PDZK1IP1: variants seen among roughly 807,000 people sequenced by gnomAD.
The protein encoded by PDZK1IP1 is PDZK1 interacting protein 1.
In PDZK1IP1, 9 loss-of-function variants were observed where a neutral mutation model predicts 14.7. That is an observed-to-expected ratio of 0.61 (90% CI 0.37 to 1.07). The LOEUF is 1.07. PDZK1IP1 is among the 50% of genes least tolerant of loss of function. The pLI is 0.01. For missense variants in PDZK1IP1, 152 were observed against 148.7 expected, an observed-to-expected ratio of 1.02 and a Z score of -0.11; for synonymous variants, 70 against 61.2, an observed-to-expected ratio of 1.14 and a Z score of -0.67.
In PDZK1IP1 at chr1:47,185,200, G is replaced by A. The variant is rs921454368; in HGVS notation, c.177-103C>T. On this transcript the variant is annotated intron_variant, in intron 2 of 3. Coordinates refer to ENST00000294338, the MANE Select transcript of PDZK1IP1 (RefSeq NM_005764.4). ...CTCACAAGCCCGAAGGCTAGCAACT[G>A]CCCTTCCCAGAGCTGTGTGCAACAG... 9 of 850,018 alleles carry A rather than the reference G, an allele frequency of 1.1e-5. No individual in the cohort carries two copies. In the Admixed American group the frequency reaches 1.3e-4, roughly 12 times the overall value. 52.7% of individuals were successfully genotyped at this position (850,018 alleles called of 1,614,324 possible).
chr1:47,187,142 C>T (rs1222563264), intron 2 of PDZK1IP1, among the ~76,000 whole-genome samples, 177 bp downstream of exon 2: 1 of 152,188 alleles, frequency 6.6e-6, no homozygotes, highest in Non-Finnish European at 1.5e-5. Context: ...GGCTCTCATT[C>T]CCTCATCCCG....
intron 1 of PDZK1IP1, among the ~76,000 whole-genome samples, chr1:47,187,880 T>C (rs933289501): frequency 5.9e-5 from 9 of 152,258 alleles, no homozygotes; most frequent in Admixed American, 5.9e-4. Flanking sequence ...TGGTCTGGGA[T>C]CTAGAAGATC....
At chr1:47,184,336 C>A (rs202174747) in intron 3 of PDZK1IP1, among the ~76,000 whole-genome samples, 1 of 144,406 alleles carries the variant, frequency 6.9e-6, no homozygotes, top group African/African-American at 2.6e-5. Flanking sequence ...CTAAACCCAT[C>A]CCCCACTGAG....
chr1:47,184,047 AAAG>A lies in PDZK1IP1; in HGVS notation c.273-7_273-5del, dbSNP rs1322575641. The A allele has an allele frequency of 1.3e-6, 2 of 1,584,250 alleles. No individual in the cohort carries two copies. Among genetic ancestry groups the A allele is most frequent in the South Asian group, 1.2e-5 (1 of 86,834 alleles). Reference sequence around the variant, plus strand: ...GGCATTCTCATGCTCACTGGACCTGAAAGAAGAAGGCATGGGCCTGATGGGTCA... The same window carrying A: ...GGCATTCTCATGCTCACTGGACCTGAAAGAAGGCATGGGCCTGATGGGTCA... On this transcript the variant is annotated splice_polypyrimidine_tract_variant and splice_region_variant and intron_variant, in intron 3 of 3. Coordinates refer to ENST00000294338, the MANE Select transcript of PDZK1IP1 (RefSeq NM_005764.4).
chr1:47,184,907 C>T (rs975601473), intron 3 of PDZK1IP1, 95 bp downstream of exon 3: 16 of 986,700 alleles, frequency 1.6e-5, no homozygotes, highest in African/African-American at 4.8e-5. Context: ...CATGAGTCTC[C>T]GTCCTCCCCA....
rs577419538 is a variant in PDZK1IP1 at position 47,185,765 on chromosome 1, C to G, written c.177-668G>C. ...TAGATGCCATTCCTGCCTTCCTCCC[C>G]TCGAGTCCGCTGCTGTCTGTGACGA... On this transcript the variant is annotated intron_variant, in intron 2 of 3. Transcript: ENST00000294338. Among the ~76,000 whole-genome samples the G allele has an allele frequency of 2.6e-5, 4 of 152,198 alleles. No homozygotes were observed. The East Asian group carries it at 7.7e-4, about 29-fold the overall frequency.
intron 2 of PDZK1IP1, 141 bp from the exon 3 acceptor site, chr1:47,185,238 G>A (rs1645312136): frequency 6.1e-6 from 4 of 660,914 alleles, no homozygotes; most frequent in Non-Finnish European, 8.2e-6. Flanking sequence ...CATGTCAGCC[G>A]CGGCTACTGG....
rs1213850873 is a variant in PDZK1IP1, at chr1:47,184,989, C to T, written c.272+13G>A. The T allele has an allele frequency of 6.2e-7, 1 of 1,603,806 alleles. No individual in the cohort carries two copies. The highest frequency in any genetic ancestry group is 2.2e-5 in the East Asian group (1 of 44,782). ...TGGGAGCACAGACCGGGCAGCCCTG[C>T]CCTGCACCTCACCTGAAACTGGCCG... On this transcript the variant is annotated intron_variant, in intron 3 of 3. Transcript: ENST00000294338.
intron 3 of PDZK1IP1, 72 bp downstream of exon 3, chr1:47,184,930 C>G (rs977674630): frequency 2.3e-5 from 29 of 1,254,192 alleles, no homozygotes; most frequent in Non-Finnish European, 3.4e-5. Flanking sequence ...CACCTCCCCC[C>G]AGCAGCACCT....
rs1156931443 is a variant in PDZK1IP1, at chr1:47,185,019, C to T, written c.255G>A (p.Ser85=). Residue 85 remains serine (S), a synonymous_variant, in exon 3 of 4, where the codon TCG becomes TCA. Transcript: ENST00000294338. ...VLVGTDGRYS[S]MAASFRSSEH... is the part of the protein sequence containing the mutation. Reference sequence around the variant, plus strand: ...CACCTCACCTGAAACTGGCCGCCATCGAAGAGTACCTTCCATCTGTTCCCA... The same window carrying T: ...CACCTCACCTGAAACTGGCCGCCATTGAAGAGTACCTTCCATCTGTTCCCA... 10 of 1,613,112 alleles carry T rather than the reference C, an allele frequency of 6.2e-6. No individual in the cohort carries two copies. Among genetic ancestry groups the T allele is most frequent in the Non-Finnish European group, 7.6e-6 (9 of 1,179,794 alleles).
chr1:47,187,007 C>T (rs555297379), intron 2 of PDZK1IP1, among the ~76,000 whole-genome samples: 7 of 152,170 alleles, frequency 4.6e-5, no homozygotes, highest in Non-Finnish European at 7.4e-5. Flanking sequence ...CAGGCTGGGC[C>T]GCTATCCTGG....
intron 3 of PDZK1IP1, 37 bp downstream of exon 3, chr1:47,184,965 G>T: frequency 6.6e-7 from 1 of 1,512,310 alleles, no homozygotes; most frequent in South Asian, 1.1e-5. Flanking sequence ...CTTAGGCCCT[G>T]GGAGCACAGA....
Position 47,189,847 on chromosome 1 carries a change from C to T in PDZK1IP1, c.67+19G>A. On this transcript the variant is annotated intron_variant, in intron 1 of 3. Transcript: ENST00000294338. ...CCACCCCTGGGTCTCCCGTGCCCAG[C>T]CCTCTCCTCCTGAGCTACCTTGCTG... 1 of 1,578,578 alleles carries T rather than the reference C, an allele frequency of 6.3e-7. No individual in the cohort carries two copies.
At chr1:47,186,726 G>A (rs1000911876) in intron 2 of PDZK1IP1, among the ~76,000 whole-genome samples, 8 of 152,152 alleles carry the variant, frequency 5.3e-5, no homozygotes, top group Admixed American at 2.0e-4. Flanking sequence ...CTCTTCCCAC[G>A]CCACTCTATC....
intron 3 of PDZK1IP1, 75 bp from the exon 4 acceptor site, chr1:47,184,118 A>C: frequency 8.9e-7 from 1 of 1,124,496 alleles, no homozygotes. Flanking sequence ...CCCTTCCTGC[A>C]CTTGTGACAG....
At chr1:47,184,571 C>T (rs75138408) in intron 3 of PDZK1IP1, among the ~76,000 whole-genome samples, 38 of 91,790 alleles carry the variant, frequency 4.1e-4, no homozygotes, top group Non-Finnish European at 5.8e-4. Flanking sequence ...GAGTCCATAC[C>T]CCACTGAGTC....
chr1:47,187,583 T>A (rs958212589), intron 1 of PDZK1IP1, among the ~76,000 whole-genome samples, 156 bp from the exon 2 acceptor site: 7 of 152,156 alleles, frequency 4.6e-5, no homozygotes, highest in Non-Finnish European at 8.8e-5. Flanking sequence ...AGGGGTGGGA[T>A]ACAGCCCATC....
At chr1:47,186,215 G>A (rs916879769) in intron 2 of PDZK1IP1, among the ~76,000 whole-genome samples, 8 of 152,030 alleles carry the variant, frequency 5.3e-5, no homozygotes, top group Admixed American at 4.6e-4. Flanking sequence ...GGCTGGGGCA[G>A]GAGAACCGCT....
chr1:47,189,807 C>T (rs978419402), intron 1 of PDZK1IP1, 59 bp downstream of exon 1: 12 of 1,352,014 alleles, frequency 8.9e-6, no homozygotes, highest in Non-Finnish European at 1.2e-5. Flanking sequence ...GGAGGGGAGC[C>T]AGAACACCAC....
Sources: gnomAD v4.1 joint callset for allele counts (sites outside exome capture counted in the v4.1 genomes callset) on GRCh38, gnomAD v4.1.1 for gene constraint, MANE v1.5 for transcripts, NCBI Gene and HGNC (gene_info 2026-07-23, HGNC 2026-07-21) for gene names.